The following CPLANE1 variants were observed in gnomAD, a reference collection of about 807,000 sequenced individuals.
The protein encoded by CPLANE1 is ciliogenesis and planar polarity effector complex subunit 1.
CPLANE1 carries 263 observed loss-of-function variants against 362.5 expected under a neutral mutation model. The ratio of observed to expected loss-of-function variants is 0.73; its 90% CI spans 0.66 to 0.80. The LOEUF (loss-of-function observed/expected upper bound fraction) is 0.80, where lower values mean the gene tolerates loss of function less well. Ranked by LOEUF, CPLANE1 falls within the 30% of genes least tolerant of loss-of-function variation. The probability of loss-of-function intolerance (pLI) is 0.00; values close to 1 mark genes in which losing one functional copy is unlikely to be tolerated. For synonymous variants in CPLANE1, 1,212 were observed against 1,302.6 expected, an observed-to-expected ratio of 0.93 and a Z score of 1.50; for missense variants, 3,461 against 3,793.4, an observed-to-expected ratio of 0.91 and a Z score of 2.30.
intron 7 of CPLANE1, among the ~76,000 whole-genome samples, 153 bp downstream of exon 7, chr5:37,239,560 G>C (rs540658614): frequency 7.7e-6 from 1 of 130,470 alleles, no homozygotes; most frequent in Non-Finnish European, 1.6e-5. Context: ...TCCAGCCTAG[G>C]CAACAGAGAG....
chr5:37,194,164 C>T (rs767840121), intron 21 of CPLANE1, among the ~76,000 whole-genome samples: 10 of 151,894 alleles, frequency 6.6e-5, no homozygotes, highest in South Asian at 2.1e-4. Context: ...CCTTGTGATC[C>T]GCCCAACTCA....
At chr5:37,161,928 C>G (rs1341243633) in intron 38 of CPLANE1, among the ~76,000 whole-genome samples, 1 of 152,046 alleles carries the variant, frequency 6.6e-6, no homozygotes, top group Non-Finnish European at 1.5e-5. Context: ...AAATTGTTTA[C>G]TAAAAATCAT....
intron 46 of CPLANE1, chr5:37,138,371 G>T: frequency 7.3e-6 from 2 of 272,650 alleles, no homozygotes; most frequent in Admixed American, 4.7e-5. Flanking sequence ...GATCCTTTTT[G>T]TTTTCCATTT....
chr5:37,144,676 C>G (rs1020591103), intron 43 of CPLANE1, among the ~76,000 whole-genome samples: 3 of 151,412 alleles, frequency 2.0e-5, no homozygotes, highest in African/African-American at 7.3e-5. Context: ...ACAGGGAAAC[C>G]AAGTCTCTAC....
chr5:37,195,920 G>A lies in CPLANE1; in HGVS notation c.3749C>T (p.Ala1250Val). The A allele has an allele frequency of 1.2e-6, 2 of 1,613,420 alleles. No homozygotes were observed. Among genetic ancestry groups the A allele is most frequent in the South Asian group, 2.2e-5 (2 of 90,970 alleles). ...SLLNYCKGGI[A>V]FFRPGAAGDH... ...TCCAGCTGCTCCAGGTCTAAAAAAT[G>A]CGATACCTCCTTTACAGTAATTAAG... is the stretch of plus-strand genomic sequence containing the variant. The change falls in exon 21 of 53, where the codon GCA (alanine) becomes GTA (valine). Residue 1250 changes from alanine to valine, a missense_variant. Coordinates refer to ENST00000651892, the MANE Select transcript of CPLANE1 (RefSeq NM_001384732.1).
At chr5:37,235,676 G>A (rs910206658) in intron 8 of CPLANE1, among the ~76,000 whole-genome samples, 3 of 146,148 alleles carry the variant, frequency 2.1e-5, no homozygotes, top group East Asian at 2.0e-4. Context: ...AGGTTCAAGC[G>A]ATTCTCCTGC....
At chr5:37,139,408 T>G (rs772618124) in intron 44 of CPLANE1, 38 bp from the exon 45 acceptor site, 12 of 1,152,926 alleles carry the variant, frequency 1.0e-5, no homozygotes, top group Non-Finnish European at 1.4e-5. Context: ...ATTTTGGGTT[T>G]TTTTTTGCTT....
At chr5:37,122,649 T>C (rs574907145) in intron 47 of CPLANE1, among the ~76,000 whole-genome samples, 161 bp from the exon 48 acceptor site, 1 of 152,316 alleles carries the variant, frequency 6.6e-6, no homozygotes, top group Non-Finnish European at 1.5e-5. Context: ...AAACATCATG[T>C]AATTAAAGTA....
At position 37,207,437 on chromosome 5, in the gene CPLANE1, G is replaced by A. The variant is rs185915152; in HGVS notation, c.2921-1012C>T. On this transcript the variant is annotated intron_variant, in intron 16 of 52. Coordinates refer to ENST00000651892, the MANE Select transcript of CPLANE1 (RefSeq NM_001384732.1). The stretch of plus-strand genomic sequence containing the variant: ...AATTTTTCCTATTTTTATTCACTAC[G>A]AGCAAGGTAATATACCATTAAAATA... Among the ~76,000 whole-genome samples the A allele has an allele frequency of 6.5e-3, 985 of 152,234 alleles. 8 individuals carry two copies. The highest frequency in any genetic ancestry group is 0.022 in the African/African-American group (925 of 41,540).
chr5:37,228,381 A>C (rs1316970259), intron 9 of CPLANE1, among the ~76,000 whole-genome samples: 1 of 152,206 alleles, frequency 6.6e-6, no homozygotes, highest in African/African-American at 2.4e-5. Flanking sequence ...CAAATATAAA[A>C]GGAACAAACC....
intron 41 of CPLANE1, among the ~76,000 whole-genome samples, chr5:37,154,325 A>C (rs2365910): frequency 6.6e-6 from 1 of 151,948 alleles, no homozygotes; most frequent in Non-Finnish European, 1.5e-5. Context: ...GTTAAAAGCT[A>C]TCCCCAATAT....
At chr5:37,144,237 G>A (rs551361376) in intron 43 of CPLANE1, among the ~76,000 whole-genome samples, 8 of 151,120 alleles carry the variant, frequency 5.3e-5, no homozygotes, top group East Asian at 2.0e-4. Flanking sequence ...GTGAAAACCC[G>A]TCTCTACTAA....
chr5:37,157,928 C>T (rs1775617492), intron 39 of CPLANE1, 60 bp from the exon 40 acceptor site: 1 of 518,514 alleles, frequency 1.9e-6, no homozygotes, highest in East Asian at 4.2e-5. Context: ...TGTGGTCACT[C>T]CGCCAAAAAA....
At chr5:37,158,399 C>T in intron 38 of CPLANE1, 54 bp from the exon 39 acceptor site, 1 of 1,524,880 alleles carries the variant, frequency 6.6e-7, no homozygotes, top group Non-Finnish European at 8.9e-7. Flanking sequence ...CTGTAAACTG[C>T]TCCAAATCAT....
At chr5:37,231,780 ATTTTT>A (rs1443254495) in intron 8 of CPLANE1, among the ~76,000 whole-genome samples, 4 of 151,860 alleles carry the variant, frequency 2.6e-5, no homozygotes, top group African/African-American at 4.8e-5. Context: ...AATTTATTTT[ATTTTT>A]ATTTTTTAAA....
At chr5:37,156,644 A>T (rs1031376081) in intron 41 of CPLANE1, among the ~76,000 whole-genome samples, 2 of 152,068 alleles carry the variant, frequency 1.3e-5, no homozygotes, top group African/African-American at 4.8e-5. Context: ...TTTATTAAAA[A>T]TTTTAAATAT....
chr5:37,248,044 C>T (rs1356807503), intron 1 of CPLANE1, among the ~76,000 whole-genome samples: 1 of 151,976 alleles, frequency 6.6e-6, no homozygotes, highest in Non-Finnish European at 1.5e-5. Context: ...TCCACTTCGT[C>T]CTCCCAAAGT....
Position 37,201,577 on chromosome 5 carries a change from T to C in CPLANE1, c.3507+14A>G. The C allele has an allele frequency of 6.4e-7, 1 of 1,567,612 alleles. No homozygotes were observed. Among genetic ancestry groups the C allele is most frequent in the Non-Finnish European group, 8.7e-7 (1 of 1,150,614 alleles). On this transcript the variant is annotated intron_variant, in intron 19 of 52. Coordinates refer to ENST00000651892, the MANE Select transcript of CPLANE1 (RefSeq NM_001384732.1). ...AACTTTAAATTAATTTAAAAGTTAATGCTATAAGCTTACTTCACTAAGAAT... is the reference window on the plus strand; with the variant it reads ...AACTTTAAATTAATTTAAAAGTTAACGCTATAAGCTTACTTCACTAAGAAT...
At chr5:37,107,893 C>T (rs1757989870) in intron 52 of CPLANE1, 115 bp from the exon 53 acceptor site, 1 of 1,427,652 alleles carries the variant, frequency 7.0e-7, no homozygotes, top group Admixed American at 2.9e-5. Context: ...GTTGCTCATC[C>T]ATCAAAAGGC....
Sources: gnomAD v4.1 joint callset for allele counts (sites outside exome capture counted in the v4.1 genomes callset) on GRCh38, gnomAD v4.1.1 for gene constraint, MANE v1.5 for transcripts, NCBI Gene and HGNC (gene_info 2026-07-23, HGNC 2026-07-21) for gene names.